ADAM12: variants seen among roughly 807,000 people sequenced by gnomAD.
ADAM12 encodes the protein disintegrin and metalloproteinase domain-containing protein 12.
A neutral mutation model predicts 106.4 loss-of-function variants in ADAM12; 70 were observed. That is an observed-to-expected ratio of 0.66 (90% CI 0.54 to 0.80). ADAM12 has a LOEUF of 0.80. Ranked by LOEUF, ADAM12 falls within the 30% of genes least tolerant of loss-of-function variation. The pLI, the probability that ADAM12 is intolerant of heterozygous loss-of-function variation, is 0.00. For synonymous variants in ADAM12, 420 were observed against 433.5 expected (o/e 0.97, Z 0.39); for missense variants, 1,010 against 1,171.9 (o/e 0.86, Z 2.02).
intron 6 of ADAM12, among the ~76,000 whole-genome samples, chr10:126,112,494 C>T (rs1191961703): frequency 3.9e-5 from 6 of 152,112 alleles, no homozygotes; most frequent in African/African-American, 1.4e-4. Flanking sequence ...AGTCTCCGTT[C>T]CCAGGTGGAG....
At chr10:126,354,326 T>G (rs111850344) in intron 1 of ADAM12, among the ~76,000 whole-genome samples, 50 of 152,310 alleles carry the variant, frequency 3.3e-4, no homozygotes, top group African/African-American at 1.2e-3. Context: ...TTAGTTAGTT[T>G]AACGCAATTG....
rs183886654 is a variant in ADAM12, at chr10:126,245,495, G to A, written c.260+33420C>T. On this transcript the variant is annotated intron_variant, in intron 3 of 22. Coordinates refer to ENST00000448723, the MANE Select transcript of ADAM12 (RefSeq NM_001288973.2). ...CTTTAGAAGATAGGGGGACCATCCT[G>A]AAGGACTGGGCAGTGGGCAGGAGGT... 5.8e-4 allele frequency among the ~76,000 whole-genome samples: 88 copies of A among 152,322 alleles called. 1 individual carries two copies. The East Asian group carries it at 0.017, about 29-fold the overall frequency.
intron 3 of ADAM12, among the ~76,000 whole-genome samples, chr10:126,217,765 A>T (rs1958013945): frequency 6.7e-6 from 1 of 148,690 alleles, no homozygotes. Flanking sequence ...CTGAGTCAGG[A>T]GTTCGAGACC....
At chr10:126,103,546 G>A (rs1471372316) in intron 8 of ADAM12, among the ~76,000 whole-genome samples, 5 of 152,220 alleles carry the variant, frequency 3.3e-5, no homozygotes, top group Admixed American at 3.3e-4. Flanking sequence ...GAAGTCAGGT[G>A]ACTTAAGATT....
chr10:126,028,997 A>G (rs1243191654), intron 21 of ADAM12, among the ~76,000 whole-genome samples: 2 of 152,230 alleles, frequency 1.3e-5, no homozygotes, highest in African/African-American at 2.4e-5. Context: ...ACAAACATGA[A>G]AAAAAGCTCA....
At chr10:126,213,382 T>C (rs1483003957) in intron 3 of ADAM12, among the ~76,000 whole-genome samples, 1 of 152,240 alleles carries the variant, frequency 6.6e-6, no homozygotes. Context: ...ATTTGAGAGA[T>C]GATCCCCAGA....
At chr10:126,264,135 A>C (rs933113326) in intron 3 of ADAM12, among the ~76,000 whole-genome samples, 1 of 152,226 alleles carries the variant, frequency 6.6e-6, no homozygotes, top group Non-Finnish European at 1.5e-5. Flanking sequence ...ATATTAATGA[A>C]TAATTGTTTT....
At chr10:126,096,698 G>A (rs751285396) in intron 10 of ADAM12, among the ~76,000 whole-genome samples, 1 of 152,210 alleles carries the variant, frequency 6.6e-6, no homozygotes, top group African/African-American at 2.4e-5. Flanking sequence ...TGTTGATCTT[G>A]CTGATTTCAT....
At chr10:126,265,617 C>A (rs932191303) in intron 3 of ADAM12, among the ~76,000 whole-genome samples, 1 of 152,172 alleles carries the variant, frequency 6.6e-6, no homozygotes, top group Non-Finnish European at 1.5e-5. Flanking sequence ...CAAGCCTGTA[C>A]ACTGAATTAC....
Position 126,064,630 on chromosome 10 carries a change from C to T in ADAM12, c.1609+176G>A. 3 of 658,036 alleles carry T rather than the reference C, an allele frequency of 4.6e-6. No homozygotes were observed. The South Asian group carries it at 5.9e-5, about 13-fold the overall frequency. 40.8% of individuals were successfully genotyped at this position (658,036 alleles called of 1,614,324 possible). ...TGTCCATTTCTGTGCACCCCATGCC[C>T]AGTGCGGCCTCAGACCCTCCCTGGG... On this transcript the variant is annotated intron_variant, in intron 14 of 22. Transcript: ENST00000448723. The surrounding 1 kb of genome is among the most constrained non-coding windows in gnomAD (Gnocchi z 4.4).
intron 1 of ADAM12, among the ~76,000 whole-genome samples, chr10:126,347,878 G>A (rs1054293856): frequency 6.6e-6 from 1 of 152,114 alleles, no homozygotes; most frequent in African/African-American, 2.4e-5. Flanking sequence ...GTGGAGGCTG[G>A]GAGTCAGACA....
chr10:126,052,624 G>T (rs115074485), intron 14 of ADAM12, among the ~76,000 whole-genome samples: 3,059 of 152,238 alleles, frequency 0.02, 103 homozygotes, highest in African/African-American at 0.069. Context: ...GTTGGACAAG[G>T]TTGGACTGGG....
chr10:126,174,474 G>C (rs1426273882), intron 3 of ADAM12, among the ~76,000 whole-genome samples: 4 of 152,028 alleles, frequency 2.6e-5, no homozygotes, highest in Non-Finnish European at 5.9e-5. Context: ...TCAGGGCCGG[G>C]GCTTGCATTA....
chr10:126,195,846 T>C (rs1957587971), intron 3 of ADAM12, among the ~76,000 whole-genome samples: 1 of 152,082 alleles, frequency 6.6e-6, no homozygotes. Context: ...AAGACAGGGG[T>C]CCATGAAACT....
At chr10:126,062,627 C>T (rs533900828) in intron 14 of ADAM12, among the ~76,000 whole-genome samples, 4 of 152,334 alleles carry the variant, frequency 2.6e-5, no homozygotes, top group African/African-American at 9.6e-5. Context: ...CAGAGGCACA[C>T]AGCCAGCTGA....
At chr10:126,375,130 G>GA (rs1381513420) in intron 1 of ADAM12, among the ~76,000 whole-genome samples, 1 of 150,656 alleles carries the variant, frequency 6.6e-6, no homozygotes, top group African/African-American at 2.4e-5. Flanking sequence ...TCATGAAAAA[G>GA]AAAAACATTT....
At chr10:126,350,811 A>T (rs1855324847) in intron 1 of ADAM12, among the ~76,000 whole-genome samples, 1 of 152,172 alleles carries the variant, frequency 6.6e-6, no homozygotes, top group African/African-American at 2.4e-5. Flanking sequence ...ACCTGGCCAG[A>T]ATTCACGCCT....
chr10:126,307,347 C>G (rs1475513744), intron 2 of ADAM12, among the ~76,000 whole-genome samples: 1 of 151,968 alleles, frequency 6.6e-6, no homozygotes, highest in African/African-American at 2.4e-5. Flanking sequence ...TCTTGTCAGT[C>G]ACAGTTTCCT....
At chr10:126,160,505 A>C (rs533175854) in intron 3 of ADAM12, among the ~76,000 whole-genome samples, 3 of 152,308 alleles carry the variant, frequency 2.0e-5, no homozygotes, top group African/African-American at 7.2e-5. Context: ...GGAGAGAAGC[A>C]ATATGACCTG....
Sources: allele counts gnomAD v4.1 joint callset (sites outside exome capture counted in the v4.1 genomes callset), GRCh38; gene constraint gnomAD v4.1.1; non-coding constraint Gnocchi (gnomAD v3.1); transcripts MANE v1.5; gene names NCBI Gene and HGNC (gene_info 2026-07-23, HGNC 2026-07-21).